DNAAF6: variants seen among roughly 807,000 people sequenced by gnomAD.
The protein encoded by DNAAF6 is dynein axonemal assembly factor 6, also known as PIH1 domain containing 3.
Under a neutral mutation model 13.7 loss-of-function variants are expected in DNAAF6, and 3 were observed. That is an observed-to-expected ratio of 0.22 (90% CI 0.10 to 0.56). The LOEUF is 0.56. DNAAF6 is among the 20% of genes least tolerant of loss of function. DNAAF6 has a pLI of 0.92. For synonymous variants in DNAAF6, 54 were observed against 49.2 expected, an observed-to-expected ratio of 1.10 and a Z score of -0.41; for missense variants, 130 against 151.0, an observed-to-expected ratio of 0.86 and a Z score of 0.73.
chrX:107,241,669 A>G (rs1602692946), intron 6 of DNAAF6, among the ~76,000 whole-genome samples: 1 of 111,985 alleles, frequency 8.9e-6, no homozygotes, highest in African/African-American at 3.2e-5. Flanking sequence ...AGATAATAAG[A>G]CAGTAAAACA....
chrX:107,237,655 C>T (rs2039919202), intron 5 of DNAAF6, among the ~76,000 whole-genome samples: 1 of 112,095 alleles, frequency 8.9e-6, no homozygotes, highest in African/African-American at 3.2e-5. Context: ...TCCGCAGCCC[C>T]TAGCAACCAC....
At chrX:107,223,643 A>G (rs1311702547) in intron 5 of DNAAF6, among the ~76,000 whole-genome samples, 1 of 111,537 alleles carries the variant, frequency 9.0e-6, no homozygotes, top group African/African-American at 3.3e-5. Context: ...CCTTTCTTAC[A>G]ATACATTATA....
chrX:107,214,900 T>C (rs938395029), intron 2 of DNAAF6, among the ~76,000 whole-genome samples: 2 of 111,797 alleles, frequency 1.8e-5, no homozygotes, highest in Non-Finnish European at 3.8e-5. Context: ...TCTATATGAC[T>C]TGTTAAGAAT....
rs200142029 is a variant in DNAAF6 at position 107,233,013 on chromosome X, A to T, written c.430-5909A>T. On this transcript the variant is annotated intron_variant, in intron 5 of 6. Transcript: ENST00000372453. Reference sequence around the variant, plus strand: ...CATCTTAGCCTCCCAAAGCACTGAGATTATAGGTGTGCACACCACACCCAC... The same window carrying T: ...CATCTTAGCCTCCCAAAGCACTGAGTTTATAGGTGTGCACACCACACCCAC... Among the ~76,000 whole-genome samples the T allele has an allele frequency of 3.6e-5, 4 of 111,602 alleles. No homozygotes were observed. The East Asian group carries it at 1.1e-3, about 31-fold the overall frequency.
intron 6 of DNAAF6, among the ~76,000 whole-genome samples, chrX:107,240,279 G>T (rs1231650435): frequency 8.9e-6 from 1 of 111,848 alleles, no homozygotes; most frequent in Non-Finnish European, 1.9e-5. Context: ...TATTAAATGC[G>T]CAGTGCAGAG....
At chrX:107,218,829 C>A in intron 3 of DNAAF6, 35 bp from the exon 4 acceptor site, 1 of 1,153,229 alleles carries the variant, frequency 8.7e-7, no homozygotes, top group African/African-American at 1.8e-5. Flanking sequence ...AGGAAAAAAG[C>A]ATGAGCTTCA....
At chrX:107,213,168 G>A in intron 2 of DNAAF6, 140 bp downstream of exon 2, 1 of 536,466 alleles carries the variant, frequency 1.9e-6, no homozygotes, top group Non-Finnish European at 2.8e-6. Flanking sequence ...GGCTGATTAT[G>A]CATGACAATG....
At chrX:107,241,539 A>C (rs1184725650) in intron 6 of DNAAF6, among the ~76,000 whole-genome samples, 1 of 112,098 alleles carries the variant, frequency 8.9e-6, no homozygotes, top group Non-Finnish European at 1.9e-5. Context: ...CAACATTTAT[A>C]AAGTCTTCCA....
chrX:107,234,423 T>A (rs966499499), intron 5 of DNAAF6, among the ~76,000 whole-genome samples: 1 of 112,016 alleles, frequency 8.9e-6, no homozygotes, highest in Admixed American at 9.5e-5. Flanking sequence ...GAAAAAAATA[T>A]CTTATACATG....
chrX:107,217,758 TA>T (rs1350360945), intron 3 of DNAAF6, among the ~76,000 whole-genome samples: 1 of 111,978 alleles, frequency 8.9e-6, no homozygotes. Context: ...TGCAAAAGAT[TA>T]ATCTGGACAA....
chrX:107,242,207 T>C (rs1431476305), intron 6 of DNAAF6, among the ~76,000 whole-genome samples: 2 of 112,198 alleles, frequency 1.8e-5, no homozygotes, highest in African/African-American at 6.5e-5. Context: ...GTTCCATAAA[T>C]GTGTAATAAA....
chrX:107,222,157 AT>A (rs773359887), intron 4 of DNAAF6, among the ~76,000 whole-genome samples: 1 of 111,096 alleles, frequency 9.0e-6, no homozygotes, highest in African/African-American at 3.3e-5. Context: ...TGCTGACTAC[AT>A]TACCAGTGTT....
intron 5 of DNAAF6, among the ~76,000 whole-genome samples, chrX:107,229,127 C>CT (rs768372176): frequency 0.011 from 552 of 51,561 alleles, 130 homozygotes; most frequent in African/African-American, 0.019. Flanking sequence ...GTTGACTACT[C>CT]TTTTTTTTTT....
chrX:107,223,873 T>G (rs1342642548), intron 5 of DNAAF6, among the ~76,000 whole-genome samples: 6 of 111,412 alleles, frequency 5.4e-5, no homozygotes, highest in Admixed American at 2.9e-4. Context: ...AGTAATTAGC[T>G]CCCAGGGTTT....
At chrX:107,212,459 T>C (rs776503862) in intron 1 of DNAAF6, among the ~76,000 whole-genome samples, 1 of 111,766 alleles carries the variant, frequency 8.9e-6, no homozygotes, top group African/African-American at 3.2e-5. Context: ...TCAACCTTTC[T>C]GCCCTGAAGC....
At chrX:107,228,045 G>C (rs1468216899) in intron 5 of DNAAF6, among the ~76,000 whole-genome samples, 1 of 111,647 alleles carries the variant, frequency 9.0e-6, no homozygotes, top group African/African-American at 3.3e-5. Context: ...CCTTGAGCTG[G>C]ACCTGGCAGA....
chrX:107,222,803 A>G lies in DNAAF6; in HGVS notation c.391A>G (p.Lys131Glu). ...TGAAGATATATTTTTAGGGTTGTCAAAAAAGGACTCCTCAACAGGTTGTTG... is the reference window on the plus strand; with the variant it reads ...TGAAGATATATTTTTAGGGTTGTCAGAAAAGGACTCCTCAACAGGTTGTTG... ...GTEDIFLGLS[K>E]KDSSTGCCSE... The change falls in exon 5 of 7, where the codon AAA becomes GAA. Residue 131 changes from lysine (K) to glutamate (E), a missense_variant. Transcript: ENST00000372453. 1 of 1,206,897 alleles carries G rather than the reference A, an allele frequency of 8.3e-7. No individual in the cohort carries two copies. The highest frequency in any genetic ancestry group is 1.1e-6 in the Non-Finnish European group (1 of 893,369).
chrX:107,224,775 G>T (rs1339213282), intron 5 of DNAAF6, among the ~76,000 whole-genome samples: 1 of 109,867 alleles, frequency 9.1e-6, no homozygotes, highest in Non-Finnish European at 1.9e-5. Context: ...AGTACAATTG[G>T]AATGTTCATA....
intron 5 of DNAAF6, among the ~76,000 whole-genome samples, chrX:107,232,286 G>A (rs1468793660): frequency 9.1e-6 from 1 of 109,692 alleles, no homozygotes; most frequent in Non-Finnish European, 1.9e-5. Flanking sequence ...AGTCCTCAGA[G>A]GCCTCTTGTG....
Sources: allele counts gnomAD v4.1 joint callset (sites outside exome capture counted in the v4.1 genomes callset), GRCh38; gene constraint gnomAD v4.1.1; transcripts MANE v1.5; gene names NCBI Gene and HGNC (gene_info 2026-07-23, HGNC 2026-07-21).